The following ERI1 variants were observed in gnomAD, a reference collection of about 807,000 sequenced individuals.
ERI1 encodes the protein exoribonuclease 1.
ERI1 carries 39 observed loss-of-function variants against 39.7 expected under a neutral mutation model. That is an observed-to-expected ratio of 0.98 (90% CI 0.76 to 1.28). The LOEUF is 1.28. Among genes scored for constraint, ERI1 ranks in the 50% most tolerant of loss-of-function variants. The probability of loss-of-function intolerance (pLI) is 0.00; values close to 1 mark genes in which losing one functional copy is unlikely to be tolerated. For missense variants in ERI1, 581 were observed against 416.9 expected, an observed-to-expected ratio of 1.39 and a Z score of -3.43; for synonymous variants, 204 against 149.6, an observed-to-expected ratio of 1.36 and a Z score of -2.65.
rs907046068 is a variant in ERI1 at position 9,030,892 on chromosome 8, A to G, written c.*858A>G. The G allele has an allele frequency of 6.6e-6, 1 of 152,230 alleles. No homozygotes were observed. Among genetic ancestry groups the G allele is most frequent in the Non-Finnish European group, 1.5e-5 (1 of 68,026 alleles). 9.4% of individuals were successfully genotyped at this position (152,230 alleles called of 1,614,324 possible). A position where few individuals can be genotyped will look rare whatever the true frequency, so the allele number is the denominator to read the frequency against. On this transcript the variant is annotated 3_prime_UTR_variant, in exon 7 of 7. Transcript: ENST00000250263. ...ATCGTAAGTGAGGTTAATAAAGTCA[A>G]TACTTTCTACCATATATTACGTTTT...
intron 2 of ERI1, among the ~76,000 whole-genome samples, chr8:9,011,325 C>G (rs1226728786): frequency 1.3e-5 from 2 of 152,036 alleles, no homozygotes; most frequent in Non-Finnish European, 2.9e-5. Flanking sequence ...TAAAAAAAGA[C>G]TTGTGAAGGA....
chr8:9,023,678 G>A (rs1314945260), intron 6 of ERI1, among the ~76,000 whole-genome samples: 1 of 139,994 alleles, frequency 7.1e-6, no homozygotes, highest in African/African-American at 2.5e-5. Flanking sequence ...TTCTTTTTTT[G>A]TACCTTATCT....
intron 3 of ERI1, among the ~76,000 whole-genome samples, chr8:9,081,908 C>G (rs193090061): frequency 5.1e-4 from 77 of 152,282 alleles, no homozygotes; most frequent in African/African-American, 1.8e-3. Flanking sequence ...TTAGCCTGCA[C>G]TGGAAGACCA....
chr8:9,056,759 T>A (rs1185791503), intron 3 of ERI1, among the ~76,000 whole-genome samples: 1 of 152,218 alleles, frequency 6.6e-6, no homozygotes, highest in Non-Finnish European at 1.5e-5. Context: ...CCTGATTACT[T>A]TTGATGTAAT....
At position 9,084,278 on chromosome 8, in the gene ERI1, C is replaced by T. The variant is rs373363166; in HGVS notation, n.300-32070C>T. ...ATTGAGACCCTGTCTCAAAGAATAC[C>T]GCCTCATCTATTCCACCACATTTTT... On this transcript the variant is annotated intron_variant and non_coding_transcript_variant, in intron 3 of 3. Coordinates refer to the ERI1 transcript ENST00000518663. Among the ~76,000 whole-genome samples the T allele has an allele frequency of 2.0e-4, 30 of 152,200 alleles. No homozygotes were observed. The East Asian group carries it at 4.5e-3, about 23-fold the overall frequency.
chr8:9,043,338 C>T (rs539138309), intron 3 of ERI1, among the ~76,000 whole-genome samples: 12 of 152,292 alleles, frequency 7.9e-5, no homozygotes, highest in East Asian at 1.9e-4. Flanking sequence ...GCTTTTGTGA[C>T]GCTTTTGTGA....
intron 4 of ERI1, 108 bp from the exon 5 acceptor site, chr8:9,018,189 C>T (rs1034935073): frequency 5.5e-6 from 3 of 548,958 alleles, no homozygotes; most frequent in Admixed American, 6.2e-5. Flanking sequence ...TTTAAAGTAT[C>T]AGCCTTTCTC....
At chr8:9,073,889 A>T (rs1799130574) in intron 3 of ERI1, among the ~76,000 whole-genome samples, 1 of 152,126 alleles carries the variant, frequency 6.6e-6, no homozygotes, top group Non-Finnish European at 1.5e-5. Context: ...CCTATAAAAT[A>T]CCTTATAAAA....
At chr8:9,045,378 G>A (rs908096937) in intron 3 of ERI1, among the ~76,000 whole-genome samples, 3 of 151,946 alleles carry the variant, frequency 2.0e-5, no homozygotes, top group South Asian at 4.1e-4. Context: ...GCACTGAAAC[G>A]AATTGCTCAC....
chr8:9,025,754 T>C (rs1818410185), intron 6 of ERI1, among the ~76,000 whole-genome samples: 1 of 151,824 alleles, frequency 6.6e-6, no homozygotes, highest in Non-Finnish European at 1.5e-5. Flanking sequence ...ACAGGTTGAG[T>C]ATCCCTAATT....
At position 9,077,859 on chromosome 8, in the gene ERI1, G is replaced by A. The variant is rs1233479555; in HGVS notation, n.300-38489G>A. Among the ~76,000 whole-genome samples the A allele has an allele frequency of 2.0e-5, 3 of 152,176 alleles. 1 individual carries two copies. The highest frequency in any genetic ancestry group is 1.3e-4 in the Admixed American group (2 of 15,274). Reference sequence around the variant, plus strand: ...TGAGGTCCAAAGCAGCATATTTGGGGAATTTTTTTCTGATCCCCAACACCA... The same window carrying A: ...TGAGGTCCAAAGCAGCATATTTGGGAAATTTTTTTCTGATCCCCAACACCA... On this transcript the variant is annotated intron_variant and non_coding_transcript_variant, in intron 3 of 3. Coordinates refer to the ERI1 transcript ENST00000518663.
intron 3 of ERI1, among the ~76,000 whole-genome samples, chr8:9,047,727 C>T (rs984383044): frequency 2.2e-5 from 1 of 45,454 alleles, no homozygotes; most frequent in Admixed American, 2.6e-4. Flanking sequence ...AGAGTGAAGC[C>T]TGCATCTCTC....
At chr8:9,014,856 G>C (rs1410666917) in intron 3 of ERI1, among the ~76,000 whole-genome samples, 4 of 151,542 alleles carry the variant, frequency 2.6e-5, no homozygotes, top group Non-Finnish European at 5.9e-5. Context: ...TGTTTTTTTT[G>C]AGATGGAGTC....
intron 3 of ERI1, among the ~76,000 whole-genome samples, chr8:9,055,724 AC>A (rs1798485460): frequency 6.6e-6 from 1 of 152,040 alleles, no homozygotes; most frequent in Admixed American, 6.6e-5. Context: ...TATTTTTAGT[AC>A]AGATGGGGTT....
intron 3 of ERI1, among the ~76,000 whole-genome samples, chr8:9,042,002 G>T (rs564974940): frequency 1.4e-4 from 21 of 152,282 alleles, no homozygotes; most frequent in South Asian, 4.1e-4. Context: ...CCAAAGTGCT[G>T]GGATTATAGG....
chr8:9,017,528 G>A (rs1817435873), intron 4 of ERI1, among the ~76,000 whole-genome samples: 1 of 152,170 alleles, frequency 6.6e-6, no homozygotes, highest in South Asian at 2.1e-4. Context: ...GGCCTAATAA[G>A]TCAGTGTTTT....
chr8:9,011,110 T>A (rs1446401453), intron 2 of ERI1, among the ~76,000 whole-genome samples: 1 of 152,186 alleles, frequency 6.6e-6, no homozygotes, highest in Non-Finnish European at 1.5e-5. Flanking sequence ...TAATACGATA[T>A]TTTCAACTTA....
At chr8:9,073,136 C>A (rs937281761) in intron 3 of ERI1, among the ~76,000 whole-genome samples, 1 of 152,170 alleles carries the variant, frequency 6.6e-6, no homozygotes, top group African/African-American at 2.4e-5. Context: ...TCTTGGTTGC[C>A]TTCTCAGCCA....
intron 3 of ERI1, among the ~76,000 whole-genome samples, chr8:9,065,064 A>T (rs1047625596): frequency 6.6e-6 from 1 of 152,152 alleles, no homozygotes; most frequent in Non-Finnish European, 1.5e-5. Flanking sequence ...GTCATCAGTT[A>T]AGGCAGGAAC....
Sources: gnomAD v4.1 joint callset for allele counts (sites outside exome capture counted in the v4.1 genomes callset) on GRCh38, gnomAD v4.1.1 for gene constraint, MANE v1.5 for transcripts, NCBI Gene and HGNC (gene_info 2026-07-23, HGNC 2026-07-21) for gene names.